CCDC12: variants seen among roughly 807,000 people sequenced by gnomAD.
CCDC12 encodes the protein coiled-coil domain containing 12.
Under a neutral mutation model 25.7 loss-of-function variants are expected in CCDC12, and 28 were observed. The ratio of observed to expected loss-of-function variants is 1.09; its 90% CI spans 0.81 to 1.50. CCDC12 has a LOEUF of 1.50. Among genes scored for constraint, CCDC12 ranks in the 40% most tolerant of loss-of-function variants. CCDC12 has a pLI of 0.00. For synonymous variants in CCDC12, 75 were observed against 87.7 expected, an observed-to-expected ratio of 0.86 and a Z score of 0.81; for missense variants, 198 against 210.0, an observed-to-expected ratio of 0.94 and a Z score of 0.35.
At chr3:46,951,237 A>C (rs1349774656) in intron 1 of CCDC12, among the ~76,000 whole-genome samples, 1 of 152,154 alleles carries the variant, frequency 6.6e-6, no homozygotes, top group Non-Finnish European at 1.5e-5. Flanking sequence ...AGGTGGAGAA[A>C]GTGAAGATGT....
chr3:46,937,213 C>T (rs1305744090), intron 2 of CCDC12, among the ~76,000 whole-genome samples: 1 of 152,150 alleles, frequency 6.6e-6, no homozygotes, highest in Admixed American at 6.5e-5. Flanking sequence ...TCATGCCTCC[C>T]CAACAAGAGG....
At position 46,941,034 on chromosome 3, in the gene CCDC12, T is replaced by A. The variant is rs375930165; in HGVS notation, c.128A>T (p.His43Leu). ...DKEDGEPKTKHLREEEEEGEK... is the reference protein window; with the variant it reads ...DKEDGEPKTKLLREEEEEGEK... ...GCCTTCTTCCTCCTCTTCTCTGAGA[T>A]GCTTGGTCTTTGGCTCCCCATCTTC... Residue 43 changes from histidine to leucine, a missense_variant, in exon 2 of 7, where the codon CAT becomes CTT. His to Leu is a moderately conservative substitution (Grantham distance 99, BLOSUM62 -3). Transcript: ENST00000683445. 30 of 1,614,182 alleles carry A rather than the reference T, an allele frequency of 1.9e-5. No individual in the cohort carries two copies. The highest frequency in any genetic ancestry group is 2.5e-5 in the Non-Finnish European group (30 of 1,180,038).
chr3:46,961,236 T>C (rs1374359469), intron 1 of CCDC12, among the ~76,000 whole-genome samples: 1 of 152,114 alleles, frequency 6.6e-6, no homozygotes, highest in Non-Finnish European at 1.5e-5. Context: ...ATATGAGACA[T>C]CTTCTCCAGA....
chr3:46,963,152 G>A (rs1048753554), intron 1 of CCDC12, among the ~76,000 whole-genome samples: 15 of 152,228 alleles, frequency 9.9e-5, no homozygotes, highest in Non-Finnish European at 1.8e-4. Flanking sequence ...CAAGTCCAGA[G>A]TGGTTCCCCT....
intron 1 of CCDC12, among the ~76,000 whole-genome samples, chr3:46,963,801 C>A (rs942791168): frequency 6.6e-6 from 1 of 152,220 alleles, no homozygotes; most frequent in Non-Finnish European, 1.5e-5. Flanking sequence ...GATCTCGGCT[C>A]GCTACAACCT....
chr3:46,930,290 C>T (rs1319563605), intron 2 of CCDC12, among the ~76,000 whole-genome samples: 3 of 152,158 alleles, frequency 2.0e-5, no homozygotes, highest in African/African-American at 7.2e-5. Context: ...AGGAAACAGG[C>T]AGAGGGGCCA....
At chr3:46,955,412 T>C (rs1256185559) in intron 1 of CCDC12, among the ~76,000 whole-genome samples, 1 of 152,090 alleles carries the variant, frequency 6.6e-6, no homozygotes, top group African/African-American at 2.4e-5. Flanking sequence ...AACCACCCTA[T>C]AGTGCATCCA....
At chr3:46,976,433 C>T in intron 1 of CCDC12, 1 of 1,418,800 alleles carries the variant, frequency 7.0e-7, no homozygotes, top group Non-Finnish European at 9.2e-7. Context: ...GCATGCGCGA[C>T]GACCGCACCA....
chr3:46,953,424 C>G (rs2034189267), intron 1 of CCDC12, among the ~76,000 whole-genome samples: 1 of 152,134 alleles, frequency 6.6e-6, no homozygotes, highest in Non-Finnish European at 1.5e-5. Context: ...GACTCGCACT[C>G]AACCGTGGGT....
At chr3:46,922,597 C>G in intron 5 of CCDC12, 1 of 487,880 alleles carries the variant, frequency 2.0e-6, no homozygotes, top group Non-Finnish European at 3.7e-6. Context: ...CCCTCTCTTG[C>G]TCTGGTCCTC....
chr3:46,960,129 T>C (rs962275364), intron 1 of CCDC12, among the ~76,000 whole-genome samples: 4 of 152,148 alleles, frequency 2.6e-5, no homozygotes, highest in African/African-American at 9.7e-5. Flanking sequence ...TACAGTATTA[T>C]ACCTGGGGGT....
chr3:46,923,453 G>A, intron 4 of CCDC12, 90 bp from the exon 5 acceptor site: 1 of 1,536,284 alleles, frequency 6.5e-7, no homozygotes, highest in Non-Finnish European at 8.9e-7. Flanking sequence ...ATGGGAGAAA[G>A]AGGAGGAGGA....
upstream of CCDC12, among the ~76,000 whole-genome samples, chr3:46,978,306 G>C (rs563893609): frequency 1.3e-5 from 2 of 152,338 alleles, no homozygotes; most frequent in South Asian, 4.1e-4. Flanking sequence ...AGCTATGATG[G>C]ATGAAGCAGG....
chr3:46,978,638 G>A (rs2035091203), upstream of CCDC12, among the ~76,000 whole-genome samples: 1 of 151,940 alleles, frequency 6.6e-6, no homozygotes, highest in Non-Finnish European at 1.5e-5. Context: ...CCCTGCCCCT[G>A]CTGCCCAAGT....
chr3:46,935,273 A>G (rs1215478133), intron 2 of CCDC12, among the ~76,000 whole-genome samples: 1 of 152,170 alleles, frequency 6.6e-6, no homozygotes, highest in African/African-American at 2.4e-5. Flanking sequence ...GTGGCTGTGG[A>G]GGTTGGGAGG....
intron 3 of CCDC12, 106 bp from the exon 4 acceptor site, chr3:46,923,774 T>C: frequency 3.1e-6 from 3 of 963,844 alleles, no homozygotes; most frequent in Non-Finnish European, 4.3e-6. Flanking sequence ...CCAGGCTTCC[T>C]TGCTCCCACC....
At chr3:46,949,669 AG>A (rs2034038274) in intron 1 of CCDC12, among the ~76,000 whole-genome samples, 2 of 152,154 alleles carry the variant, frequency 1.3e-5, no homozygotes, top group Non-Finnish European at 2.9e-5. Flanking sequence ...GGGGCATGTG[AG>A]GATTATACAA....
intron 2 of CCDC12, among the ~76,000 whole-genome samples, chr3:46,934,108 A>T (rs906958431): frequency 6.6e-6 from 1 of 152,228 alleles, no homozygotes; most frequent in Non-Finnish European, 1.5e-5. Flanking sequence ...TAAATTTTAA[A>T]ACAGGAGAGG....
chr3:46,968,467 C>G (rs1575564113), intron 1 of CCDC12, among the ~76,000 whole-genome samples: 1 of 152,286 alleles, frequency 6.6e-6, no homozygotes, highest in South Asian at 2.1e-4. Flanking sequence ...TATAAAAGGC[C>G]TGTGTGCAAG....
Sources: allele counts gnomAD v4.1 joint callset (sites outside exome capture counted in the v4.1 genomes callset), GRCh38; gene constraint gnomAD v4.1.1; transcripts MANE v1.5; gene names NCBI Gene and HGNC (gene_info 2026-07-23, HGNC 2026-07-21).